The following LAMA1 variants were observed in gnomAD, a reference collection of about 807,000 sequenced individuals.
LAMA1 encodes laminin subunit alpha 1.
LAMA1 carries 219 observed loss-of-function variants against 348.7 expected under a neutral mutation model. The observed-to-expected ratio is 0.63, with a 90% CI of 0.56 to 0.70. LAMA1 has a LOEUF of 0.70. Ranked by LOEUF, LAMA1 falls within the 30% of genes least tolerant of loss-of-function variation. The pLI, the probability that LAMA1 is intolerant of heterozygous loss-of-function variation, is 0.00. For synonymous variants in LAMA1, 1,487 were observed against 1,491.0 expected (o/e 1.00, Z 0.06); for missense variants, 3,744 against 3,888.0 (o/e 0.96, Z 0.99).
At chr18:6,951,096 A>G (rs2057544898) in intron 57 of LAMA1, 125 bp from the exon 58 acceptor site, 12 of 828,364 alleles carry the variant, frequency 1.4e-5, no homozygotes, top group Non-Finnish European at 2.4e-5. Flanking sequence ...AGGGGTATTC[A>G]TTCCTTCATC....
intron 8 of LAMA1, chr18:7,042,714 C>A (rs2058025732): frequency 4.8e-6 from 1 of 209,908 alleles, no homozygotes; most frequent in Non-Finnish European, 9.7e-6. Flanking sequence ...GAAACCCTGT[C>A]TCTACTAAAA....
rs779738881 is a variant in LAMA1, at chr18:6,958,579, G to C, written c.7862C>G (p.Ser2621Cys). ...TLVESRTINV[S>C]NLYVGGIPEG... The stretch of plus-strand genomic sequence containing the variant: ...TGGAATTCCCCCGACGTACAGATTG[G>C]ACACATTTATCGTCCTGCTTTCTAC... The change falls in exon 55 of 63, where the codon TCC becomes TGC. Residue 2621 changes from serine to cysteine, a missense_variant. By Grantham distance (112) the Ser-to-Cys change is moderately radical. Transcript: ENST00000389658. 5.8e-5 allele frequency: 94 copies of C among 1,614,040 alleles called. No individual in the cohort carries two copies. Among genetic ancestry groups the C allele is most frequent in the Non-Finnish European group, 8.0e-5 (94 of 1,180,000 alleles).
In LAMA1 at chr18:7,033,732, T is replaced by C. The variant is rs1200011022; in HGVS notation, c.2052-637A>G. Among the ~76,000 whole-genome samples the C allele has an allele frequency of 3.0e-5, 4 of 132,414 alleles. No individual in the cohort carries two copies. The East Asian group carries it at 7.9e-4, about 26-fold the overall frequency. The allele number at this position is 132,414 out of a possible 152,430, so 86.9% of individuals were successfully genotyped here. ...TGTGTCATGCTATGTTTGTGTTAGATGCATACAACTTTTTTTTTTTGAGAC... is the reference window on the plus strand; with the variant it reads ...TGTGTCATGCTATGTTTGTGTTAGACGCATACAACTTTTTTTTTTTGAGAC... On this transcript the variant is annotated intron_variant, in intron 14 of 62. Transcript: ENST00000389658.
At chr18:7,032,238 C>G in intron 15 of LAMA1, 62 bp from the exon 16 acceptor site, 1 of 1,041,944 alleles carries the variant, frequency 9.6e-7, no homozygotes, top group Non-Finnish European at 1.5e-6. Context: ...TGCTCAGTTG[C>G]CAGAGTACAG....
intron 44 of LAMA1, among the ~76,000 whole-genome samples, chr18:6,977,091 G>C (rs114826443): frequency 9.3e-4 from 141 of 152,214 alleles, no homozygotes; most frequent in South Asian, 3.1e-3. Flanking sequence ...TCATCCTCTC[G>C]AAGTCCCCAA....
intron 20 of LAMA1, 24 bp from the exon 21 acceptor site, chr18:7,016,695 G>T: frequency 6.3e-7 from 1 of 1,597,998 alleles, no homozygotes. Flanking sequence ...GGGGGAGAAA[G>T]TGGAAACCAA....
At position 6,971,830 on chromosome 18, in the gene LAMA1, A is replaced by G. The variant is rs557973105; in HGVS notation, c.6899+27T>C. ...TCAGATGTTAACAGAATAACATACT[A>G]TGTGCTAAACCGTGACGACATCTTA... On this transcript the variant is annotated intron_variant, in intron 48 of 62. Coordinates refer to ENST00000389658, the MANE Select transcript of LAMA1 (RefSeq NM_005559.4). 23 of 1,613,918 alleles carry G rather than the reference A, an allele frequency of 1.4e-5. No homozygotes were observed. The South Asian group carries it at 2.3e-4, about 16-fold the overall frequency.
chr18:7,003,570 A>G (rs1421347715), intron 29 of LAMA1, among the ~76,000 whole-genome samples: 3 of 152,138 alleles, frequency 2.0e-5, no homozygotes, highest in African/African-American at 7.2e-5. Context: ...AAAGGTACAC[A>G]TTTTTAAAGC....
At chr18:6,982,415 C>T in intron 41 of LAMA1, 82 bp downstream of exon 41, 1 of 1,113,628 alleles carries the variant, frequency 9.0e-7, no homozygotes, top group Non-Finnish European at 1.4e-6. Context: ...TTGCTGCATG[C>T]AAGGAGAACA....
Position 6,993,707 on chromosome 18 carries a change from C to T in LAMA1, c.4942G>A (p.Glu1648Lys). Residue 1648 changes from glutamate (E) to lysine (K), a missense_variant, in exon 35 of 63, where the codon GAG (glutamate) becomes AAG (lysine). Glu to Lys is a moderately conservative substitution (Grantham distance 56). This residue lies in a region of LAMA1 where 1,983 missense variants were observed against 1,934.3 expected (regional missense o/e 1.03). Transcript: ENST00000389658. ...TCTTGACTCTCCTTGAAGATTCTCTCAGTTGCCCTATTCACCTTTTGGGTA... is the reference window on the plus strand; with the variant it reads ...TCTTGACTCTCCTTGAAGATTCTCTTAGTTGCCCTATTCACCTTTTGGGTA... ...ASTQKVNRATERIFKESQDLA... is the reference protein window; with the variant it reads ...ASTQKVNRATKRIFKESQDLA... The T allele has an allele frequency of 6.2e-7, 1 of 1,614,100 alleles. No homozygotes were observed. Among genetic ancestry groups the T allele is most frequent in the Non-Finnish European group, 8.5e-7 (1 of 1,179,974 alleles).
At chr18:7,105,559 G>A (rs1042397931) in intron 1 of LAMA1, among the ~76,000 whole-genome samples, 34 of 152,202 alleles carry the variant, frequency 2.2e-4, no homozygotes, top group African/African-American at 7.2e-5. Context: ...ATGAGAAGGT[G>A]CAAGAGGAGA....
In LAMA1 at chr18:7,009,241, G is replaced by T. The variant is rs1320925929; in HGVS notation, c.3999C>A (p.Ser1333Arg). ...KASYGQGLQQSRISDISMEVG... is the reference protein window; with the variant it reads ...KASYGQGLQQRRISDISMEVG... Reference sequence around the variant, plus strand: ...AAAATTCTAGAAGCTCCAAGTACCTGCTCTGCTGTAATCCTTGACCATACG... The same window carrying T: ...AAAATTCTAGAAGCTCCAAGTACCTTCTCTGCTGTAATCCTTGACCATACG... The change falls in exon 27 of 63, where the codon AGC (serine) becomes AGA (arginine). Residue 1333 changes from serine (S) to arginine (R), a missense_variant and splice_region_variant. By Grantham distance (110) the Ser-to-Arg change is moderately radical (BLOSUM62 -1). Coordinates refer to ENST00000389658, the MANE Select transcript of LAMA1 (RefSeq NM_005559.4). 1 of 1,614,118 alleles carries T rather than the reference G, an allele frequency of 6.2e-7. No homozygotes were observed. Among genetic ancestry groups the T allele is most frequent in the Admixed American group, 1.7e-5 (1 of 60,006 alleles).
chr18:7,010,465 A>G (rs2057854745), intron 25 of LAMA1, 80 bp from the exon 26 acceptor site: 1 of 1,318,022 alleles, frequency 7.6e-7, no homozygotes, highest in Non-Finnish European at 1.1e-6. Flanking sequence ...TGCCACCATA[A>G]GAGAGAAATC....
At chr18:7,097,280 A>G (rs1361104401) in intron 1 of LAMA1, among the ~76,000 whole-genome samples, 1 of 146,050 alleles carries the variant, frequency 6.8e-6, no homozygotes, top group African/African-American at 2.5e-5. Context: ...CAAAAAAAAT[A>G]ATAAAAAAAA....
chr18:7,032,353 G>A (rs370740225), intron 15 of LAMA1, among the ~76,000 whole-genome samples, 177 bp from the exon 16 acceptor site: 8 of 152,060 alleles, frequency 5.3e-5, no homozygotes, highest in East Asian at 3.9e-4. Flanking sequence ...AAACCTTACC[G>A]AGCTGTGCAA....
In LAMA1 at chr18:6,941,912, G is replaced by T. The variant is rs2143955245; in HGVS notation, c.*167C>A. ...TTACATTTTAGACCATTTAATGGAG[G>T]TATTTGTTGCACATGTGGTTTTAGT... On this transcript the variant is annotated 3_prime_UTR_variant, in exon 63 of 63. Transcript: ENST00000389658. 1 of 762,194 alleles carries T rather than the reference G, an allele frequency of 1.3e-6. No homozygotes were observed. The highest frequency in any genetic ancestry group is 2.5e-5 in the East Asian group (1 of 40,000). 47.2% of individuals were successfully genotyped at this position (762,194 alleles called of 1,614,324 possible).
chr18:6,942,508 G>A (rs968879101), intron 62 of LAMA1, among the ~76,000 whole-genome samples: 1 of 151,896 alleles, frequency 6.6e-6, no homozygotes, highest in Admixed American at 6.6e-5. Flanking sequence ...CTGCCTCCCG[G>A]GTTCAAGTGA....
At chr18:7,099,566 A>G (rs1174580000) in intron 1 of LAMA1, among the ~76,000 whole-genome samples, 1 of 152,116 alleles carries the variant, frequency 6.6e-6, no homozygotes, top group Non-Finnish European at 1.5e-5. Flanking sequence ...TAAGAGCTAA[A>G]TTTAAGAGCT....
chr18:6,998,808 G>A (rs145147822), intron 32 of LAMA1, among the ~76,000 whole-genome samples: 3,661 of 151,996 alleles, frequency 0.024, 136 homozygotes, highest in African/African-American at 0.082. Flanking sequence ...CAAGGCAGGC[G>A]GATTGCCTGA....
Sources: allele counts gnomAD v4.1 joint callset (sites outside exome capture counted in the v4.1 genomes callset), GRCh38; gene constraint gnomAD v4.1.1; regional missense constraint gnomAD v4.1.1; transcripts MANE v1.5; gene names NCBI Gene and HGNC (gene_info 2026-07-23, HGNC 2026-07-21).